The following DLGAP1 variants were observed in gnomAD, a reference collection of about 807,000 sequenced individuals.
The protein encoded by DLGAP1 is disks large-associated protein 1.
In DLGAP1, 11 loss-of-function variants were observed where a neutral mutation model predicts 90.8. The observed-to-expected ratio is 0.12, with a 90% CI of 0.08 to 0.20. DLGAP1 has a LOEUF of 0.20. DLGAP1 is among the 10% of genes least tolerant of loss of function. DLGAP1 has a pLI of 1.00. For missense variants in DLGAP1, 1,050 were observed against 1,333.8 expected, an observed-to-expected ratio of 0.79 and a Z score of 3.31; for synonymous variants, 558 against 540.7, an observed-to-expected ratio of 1.03 and a Z score of -0.44.
chr18:3,924,497 C>T (rs77549255), intron 3 of DLGAP1, among the ~76,000 whole-genome samples: 2 of 152,144 alleles, frequency 1.3e-5, no homozygotes, highest in East Asian at 3.8e-4. Context: ...TAAGTCAATG[C>T]CATTAGCATA....
In DLGAP1 at chr18:3,498,896, T is replaced by A; in HGVS notation, c.*289A>T. 2.2e-6 allele frequency: 1 copy of A among 452,638 alleles called. No individual in the cohort carries two copies. The highest frequency in any genetic ancestry group is 3.9e-6 in the Non-Finnish European group (1 of 255,748). 28.0% of individuals were successfully genotyped at this position (452,638 alleles called of 1,614,324 possible). On this transcript the variant is annotated 3_prime_UTR_variant, in exon 13 of 13. Coordinates refer to ENST00000315677, the MANE Select transcript of DLGAP1 (RefSeq NM_004746.4). ...AGGCATCACTTCTACACAGGTGGGT[T>A]TGGCTTTGCCCAGAAAATAAAGGGT... is the stretch of plus-strand genomic sequence containing the variant.
chr18:3,569,736 G>A (rs1036375109), intron 8 of DLGAP1, among the ~76,000 whole-genome samples: 1 of 151,824 alleles, frequency 6.6e-6, no homozygotes, highest in African/African-American at 2.4e-5. Context: ...ATCTGGCTCC[G>A]TTTATTAACT....
At chr18:3,601,306 G>A (rs1170792055) in intron 7 of DLGAP1, among the ~76,000 whole-genome samples, 4 of 151,778 alleles carry the variant, frequency 2.6e-5, no homozygotes, top group Non-Finnish European at 4.4e-5. Context: ...GGCTGGTCTC[G>A]AACTCCTGAC....
chr18:3,881,881 C>G (rs2071180973), intron 3 of DLGAP1, among the ~76,000 whole-genome samples: 1 of 152,176 alleles, frequency 6.6e-6, no homozygotes, highest in Non-Finnish European at 1.5e-5. Context: ...CCACTGCACT[C>G]CAGCCTGGGC....
intron 5 of DLGAP1, among the ~76,000 whole-genome samples, chr18:3,800,459 A>ATT (rs942170756): frequency 1.3e-5 from 2 of 152,262 alleles, no homozygotes; most frequent in African/African-American, 4.8e-5. Context: ...ATTGTTAAAA[A>ATT]GAGTGTGGTT....
intron 10 of DLGAP1, among the ~76,000 whole-genome samples, chr18:3,509,442 C>A (rs1025510327): frequency 2.6e-5 from 4 of 152,172 alleles, no homozygotes; most frequent in Non-Finnish European, 5.9e-5. Flanking sequence ...GTGCTCAGAC[C>A]GAGCGGAGCT....
chr18:3,597,471 G>A, intron 7 of DLGAP1: 1 of 354,908 alleles, frequency 2.8e-6, no homozygotes, highest in Non-Finnish European at 5.4e-6. Context: ...TGGGGTGGCT[G>A]TGCAGAGTGA....
chr18:3,712,784 C>A (rs2061637556), intron 7 of DLGAP1, among the ~76,000 whole-genome samples: 1 of 152,192 alleles, frequency 6.6e-6, no homozygotes, highest in African/African-American at 2.4e-5. Flanking sequence ...AGTTAAAGTG[C>A]TTAAGTTACT....
intron 3 of DLGAP1, among the ~76,000 whole-genome samples, chr18:3,902,561 G>A (rs1345034443): frequency 1.3e-5 from 2 of 152,016 alleles, no homozygotes; most frequent in Admixed American, 1.3e-4. Context: ...GATCTGGCTT[G>A]GCCTCAAATT....
At chr18:3,597,053 G>C (rs375713124) in intron 7 of DLGAP1, 1 of 519,798 alleles carries the variant, frequency 1.9e-6, no homozygotes, top group Non-Finnish European at 3.8e-6. Flanking sequence ...TTCCTGTGCA[G>C]CTGTTTTTCT....
chr18:4,266,837 T>G (rs2079141708), intron 1 of DLGAP1, among the ~76,000 whole-genome samples: 1 of 152,220 alleles, frequency 6.6e-6, no homozygotes, highest in South Asian at 2.1e-4. Context: ...GAAATCAGCA[T>G]ATGGGCTATA....
intron 1 of DLGAP1, among the ~76,000 whole-genome samples, chr18:4,223,735 T>G (rs772893597): frequency 6.6e-6 from 1 of 152,176 alleles, no homozygotes; most frequent in East Asian, 1.9e-4. Flanking sequence ...TGAAAGTGTA[T>G]TAGTGGTGTC....
At chr18:3,717,137 C>T (rs572906301) in intron 7 of DLGAP1, among the ~76,000 whole-genome samples, 9 of 147,010 alleles carry the variant, frequency 6.1e-5, no homozygotes, top group African/African-American at 2.3e-4. Flanking sequence ...TTGGAATATG[C>T]TGCATTTCAA....
intron 1 of DLGAP1, among the ~76,000 whole-genome samples, chr18:4,170,001 A>G (rs905718968): frequency 2.0e-5 from 3 of 152,142 alleles, no homozygotes; most frequent in African/African-American, 7.2e-5. Context: ...TAAATGAGGC[A>G]ATGCAGTGAG....
At chr18:3,765,116 A>AATTTTTTTTT (rs1240799372) in intron 5 of DLGAP1, among the ~76,000 whole-genome samples, 1 of 120,868 alleles carries the variant, frequency 8.3e-6, no homozygotes, top group Non-Finnish European at 1.7e-5. Flanking sequence ...ACACTTGCAA[A>AATTTTTTTTT]CTTTTTTTTT....
chr18:3,936,790 G>A (rs1376486478), intron 3 of DLGAP1, among the ~76,000 whole-genome samples: 1 of 152,192 alleles, frequency 6.6e-6, no homozygotes, highest in Non-Finnish European at 1.5e-5. Flanking sequence ...AGGCATATAT[G>A]GGGTAATGTG....
intron 9 of DLGAP1, among the ~76,000 whole-genome samples, chr18:3,536,143 T>A (rs2052360503): frequency 6.6e-6 from 1 of 152,120 alleles, no homozygotes; most frequent in African/African-American, 2.4e-5. Context: ...TAAGACTTCC[T>A]GAAAGCAAAC....
At chr18:4,177,666 G>C (rs900735330) in intron 1 of DLGAP1, among the ~76,000 whole-genome samples, 1 of 152,020 alleles carries the variant, frequency 6.6e-6, no homozygotes, top group Admixed American at 6.5e-5. Context: ...CCTTCTTTGT[G>C]TCTATGTATA....
chr18:3,611,575 G>A (rs369492958), intron 7 of DLGAP1, among the ~76,000 whole-genome samples: 6 of 151,934 alleles, frequency 3.9e-5, no homozygotes, highest in South Asian at 2.1e-4. Flanking sequence ...ACGCGTCCCC[G>A]CCTCCCACCT....
Sources: gnomAD v4.1 joint callset for allele counts (sites outside exome capture counted in the v4.1 genomes callset) on GRCh38, gnomAD v4.1.1 for gene constraint, MANE v1.5 for transcripts, NCBI Gene and HGNC (gene_info 2026-07-23, HGNC 2026-07-21) for gene names.